Variants in EP300 observed in about 807,000 individuals in gnomAD.
EP300 encodes histone acetyltransferase p300.
Under a neutral mutation model 264.0 loss-of-function variants are expected in EP300, and 31 were observed. That is an observed-to-expected ratio of 0.12 (90% confidence interval 0.09 to 0.16). The LOEUF (loss-of-function observed/expected upper bound fraction) is 0.16, where lower values mean the gene tolerates loss of function less well. Among genes scored for constraint, EP300 ranks in the 10% least tolerant of loss-of-function variants. The pLI is 1.00. For synonymous variants in EP300, 1,340 were observed against 1,045.4 expected (o/e 1.28, Z -5.44); for missense variants, 2,766 against 3,052.9 (o/e 0.91, Z 2.21).
chr22:41,158,371 T>C (rs1459436874), intron 18 of EP300, 41 bp from the exon 19 acceptor site: 1 of 1,560,136 alleles, frequency 6.4e-7, no homozygotes, highest in African/African-American at 1.4e-5. Flanking sequence ...TAGCTTGTCC[T>C]TAAGGCCTCT....
At chr22:41,104,016 C>A (rs1013146702) in intron 1 of EP300, among the ~76,000 whole-genome samples, 1 of 152,124 alleles carries the variant, frequency 6.6e-6, no homozygotes, top group South Asian at 2.1e-4. Flanking sequence ...ATACCAGATA[C>A]CAACTTAGAA....
rs1458740271 is a variant in EP300 at position 41,176,924 on chromosome 22, G to A, written c.5213G>A (p.Cys1738Tyr). ...TCTCGCCGCCTGAGTATCCAGCGCT[G>A]CATCCAGTCTCTGGTCCATGCTTGC... ...GDSRRLSIQR[C>Y]IQSLVHACQC... The change falls in exon 31 of 31, where the codon TGC becomes TAC. Residue 1738 changes from cysteine (C) to tyrosine (Y), a missense_variant. By Grantham distance (194) the Cys-to-Tyr change is radical. Coordinates refer to ENST00000263253, the MANE Select transcript of EP300 (RefSeq NM_001429.4). 1 of 1,614,150 alleles carries A rather than the reference G, an allele frequency of 6.2e-7. No homozygotes were observed. The highest frequency in any genetic ancestry group is 8.5e-7 in the Non-Finnish European group (1 of 1,180,026).
Position 41,177,278 on chromosome 22 carries a change from C to A in EP300, c.5567C>A (p.Thr1856Lys). ...CCTTCCCCCACTCCTGCCACTCCAA[C>A]GACACCAACTGGCCAACAGCCAACC... ...GLPSPTPATP[T>K]TPTGQQPTTP... The change falls in exon 31 of 31, where the codon ACG becomes AAG. Residue 1856 changes from threonine to lysine, a missense_variant. By Grantham distance (78) the Thr-to-Lys change is moderately conservative (BLOSUM62 -1). Transcript: ENST00000263253. The A allele has an allele frequency of 6.2e-7, 1 of 1,614,088 alleles. No homozygotes were observed. The highest frequency in any genetic ancestry group is 8.5e-7 in the Non-Finnish European group (1 of 1,180,014).
At position 41,179,965 on chromosome 22, in the gene EP300, T is replaced by A. The variant is rs996793305; in HGVS notation, c.*1009T>A. ...AAATAGCAAAAACCCTCAACTGTTG[T>A]AAATCATGCAATTAAAGTTGATTAC... On this transcript the variant is annotated 3_prime_UTR_variant, in exon 31 of 31. Coordinates refer to ENST00000263253, the MANE Select transcript of EP300 (RefSeq NM_001429.4). The A allele has an allele frequency of 8.9e-6, 2 of 225,580 alleles. No individual in the cohort carries two copies. The highest frequency in any genetic ancestry group is 1.8e-5 in the Non-Finnish European group (2 of 113,616). 14.0% of individuals were successfully genotyped at this position (225,580 alleles called of 1,614,324 possible).
In EP300 at chr22:41,125,112, CTTTTTTTTTTTT is replaced by C. The variant is rs930135062; in HGVS notation, c.730-739_730-728del. 6.6e-4 allele frequency among the ~76,000 whole-genome samples: 53 copies of C among 80,372 alleles called. No individual in the cohort carries two copies. In the East Asian group the frequency reaches 0.013, roughly 20 times the overall value. The allele number at this position is 80,372 out of a possible 152,430, so 52.7% of individuals were successfully genotyped here. The stretch of plus-strand genomic sequence containing the variant: ...TGCCACCACATCCAGCTTTTCTTTC[CTTTTTTTTTTTT>C]TTTTTTTTTTTTGAGATGGAGTCTC... On this transcript the variant is annotated intron_variant, in intron 2 of 30. Transcript: ENST00000263253.
At chr22:41,170,741 A>G (rs2059165187) in intron 27 of EP300, among the ~76,000 whole-genome samples, 170 bp downstream of exon 27, 1 of 137,840 alleles carries the variant, frequency 7.3e-6, no homozygotes, top group Admixed American at 8.0e-5. Flanking sequence ...GGCTCACTTC[A>G]AGCTCCGCCT....
At chr22:41,125,389 A>G (rs1275002865) in intron 2 of EP300, among the ~76,000 whole-genome samples, 2 of 150,902 alleles carry the variant, frequency 1.3e-5, no homozygotes, top group Non-Finnish European at 2.9e-5. Flanking sequence ...AAGTGCTGAG[A>G]TTACAGGTGT....
In EP300 at chr22:41,092,939, CG is replaced by C; in HGVS notation, c.-63del. On this transcript the variant is annotated 5_prime_UTR_variant, in exon 1 of 31. Transcript: ENST00000263253. ...ACCCCTGGGTGCGGCGCGGGGACCCCGGGCCGAAGAAGAGATTTCCTGAGGA... is the reference window on the plus strand; with the variant it reads ...ACCCCTGGGTGCGGCGCGGGGACCCCGGCCGAAGAAGAGATTTCCTGAGGA... 6.3e-7 allele frequency: 1 copy of C among 1,590,810 alleles called. No individual in the cohort carries two copies. Among genetic ancestry groups the C allele is most frequent in the Admixed American group, 1.7e-5 (1 of 59,998 alleles).
rs2059230676 is a variant in EP300, at chr22:41,179,822, A to G, written c.*866A>G. The G allele has an allele frequency of 8.7e-6, 2 of 230,052 alleles. No individual in the cohort carries two copies. Among genetic ancestry groups the G allele is most frequent in the East Asian group, 1.2e-4 (2 of 16,042 alleles). The allele number at this position is 230,052 out of a possible 1,614,324, so 14.3% of individuals were successfully genotyped here. On this transcript the variant is annotated 3_prime_UTR_variant, in exon 31 of 31. Transcript: ENST00000263253. ...TCCGGTGGGATGATTTTAACATGCAAAATGTCCCTGGGGGTTTCTTCTTTG... is the reference window on the plus strand; with the variant it reads ...TCCGGTGGGATGATTTTAACATGCAGAATGTCCCTGGGGGTTTCTTCTTTG...
At chr22:41,168,889 T>C in intron 25 of EP300, 22 bp downstream of exon 25, 2 of 1,614,208 alleles carry the variant, frequency 1.2e-6, no homozygotes, top group Non-Finnish European at 8.5e-7. Flanking sequence ...TCACAGTGGC[T>C]AGCTCCGGAT....
rs1185038602 is a variant in EP300, at chr22:41,131,613, T to C, written c.1508T>C (p.Met503Thr). The change falls in exon 6 of 31, where the codon ATG becomes ACG. Residue 503 changes from methionine (M) to threonine (T), a missense_variant. Transcript: ENST00000263253. The part of the protein sequence containing the change: ...NQQPGQSPQG[M>T]RPMSNMSASP... ...CAGCCTGGGCAGTCTCCCCAAGGCA[T>C]GCGGCCCATGAGCAACATGAGTAAG... is the stretch of plus-strand genomic sequence containing the variant. The C allele has an allele frequency of 3.7e-6, 6 of 1,614,048 alleles. No individual in the cohort carries two copies. The Admixed American group carries it at 5.0e-5, about 13-fold the overall frequency.
rs61756765 is a variant in EP300 at position 41,168,492 on chromosome 22, G to A, written c.3918G>A (p.Val1306=). The change falls in exon 24 of 31, where the codon GTG becomes GTA. Residue 1306 remains valine, a synonymous_variant. Coordinates refer to ENST00000263253, the MANE Select transcript of EP300 (RefSeq NM_001429.4). ...TRLGTFLENR[V]NDFLRRQNHP... ...TTGGCACCTTTCTAGAGAATCGTGT[G>A]AATGACTTTCTGAGGCGACAGAATC... 7.4e-6 allele frequency: 12 copies of A among 1,614,204 alleles called. No individual in the cohort carries two copies. The highest frequency in any genetic ancestry group is 1.0e-5 in the Non-Finnish European group (12 of 1,180,036).
intron 23 of EP300, 81 bp downstream of exon 23, chr22:41,166,747 G>T: frequency 1.1e-6 from 1 of 904,678 alleles, no homozygotes; most frequent in Admixed American, 2.1e-5. Context: ...GAATTACTTT[G>T]TTTTTAATCA....
rs370565196 is a variant in EP300 at position 41,173,718 on chromosome 22, C to T, written c.4713C>T (p.Pro1571=). 13 of 1,614,126 alleles carry T rather than the reference C, an allele frequency of 8.1e-6. No individual in the cohort carries two copies. The highest frequency in any genetic ancestry group is 9.3e-6 in the Non-Finnish European group (11 of 1,180,026). The part of the protein sequence containing the change: ...SSLSRGNKKK[P]GMPNVSNDLS... ...TGAGTAGGGGCAACAAGAAGAAACCCGGGATGCCCAATGTATCTAACGACC... is the reference window on the plus strand; with the variant it reads ...TGAGTAGGGGCAACAAGAAGAAACCTGGGATGCCCAATGTATCTAACGACC... The change falls in exon 29 of 31, where the codon CCC becomes CCT. Residue 1571 remains proline (P), a synonymous_variant. Transcript: ENST00000263253.
intron 1 of EP300, among the ~76,000 whole-genome samples, chr22:41,111,307 T>C (rs1335062153): frequency 1.3e-5 from 2 of 152,194 alleles, no homozygotes; most frequent in African/African-American, 4.8e-5. Context: ...TTGTAACCAT[T>C]TGTTGCTGGC....
intron 29 of EP300, among the ~76,000 whole-genome samples, chr22:41,174,994 A>G (rs1449091022): frequency 6.6e-6 from 1 of 151,830 alleles, no homozygotes; most frequent in African/African-American, 2.4e-5. Context: ...ACGATGTAAT[A>G]ATGGTAATAA....
intron 1 of EP300, among the ~76,000 whole-genome samples, chr22:41,099,639 C>T (rs915585213): frequency 1.6e-4 from 24 of 152,126 alleles, no homozygotes; most frequent in African/African-American, 5.8e-4. Flanking sequence ...AATTTTTTTT[C>T]ATTCCTTATT....
At chr22:41,165,664 C>G (rs1344752502) in intron 22 of EP300, among the ~76,000 whole-genome samples, 1 of 152,214 alleles carries the variant, frequency 6.6e-6, no homozygotes, top group African/African-American at 2.4e-5. Flanking sequence ...CTCAGGTGAT[C>G]CACCCACCTC....
chr22:41,117,702 A>G lies in EP300; in HGVS notation c.610A>G (p.Asn204Asp), dbSNP rs1380599822. ...AATTGGAGCAGGCCGAGGGCGACAG[A>G]ATATGCAGTACCCAAACCCAGGCAT... Reference protein sequence around the residue: ...GSIGAGRGRQNMQYPNPGMGS... With the variant: ...GSIGAGRGRQDMQYPNPGMGS... Residue 204 changes from asparagine to aspartate, a missense_variant, in exon 2 of 31, where the codon AAT becomes GAT. Coordinates refer to ENST00000263253, the MANE Select transcript of EP300 (RefSeq NM_001429.4). 4.4e-5 allele frequency: 71 copies of G among 1,614,112 alleles called. No individual in the cohort carries two copies. The highest frequency in any genetic ancestry group is 5.9e-5 in the Non-Finnish European group (70 of 1,180,050).
Sources: gnomAD v4.1 joint callset for allele counts (sites outside exome capture counted in the v4.1 genomes callset) on GRCh38, gnomAD v4.1.1 for gene constraint, MANE v1.5 for transcripts, NCBI Gene and HGNC (gene_info 2026-07-23, HGNC 2026-07-21) for gene names.